Variants in CFAP65 observed in about 807,000 individuals in gnomAD.
CFAP65 encodes cilia and flagella associated protein 65, also known as cilia- and flagella-associated protein 65.
CFAP65 carries 155 observed loss-of-function variants against 208.0 expected under a neutral mutation model. The ratio of observed to expected loss-of-function variants is 0.75; its 90% CI spans 0.65 to 0.85. The LOEUF (loss-of-function observed/expected upper bound fraction) is 0.85, where lower values mean the gene tolerates loss of function less well. Among genes scored for constraint, CFAP65 ranks in the 40% least tolerant of loss-of-function variants. The probability of loss-of-function intolerance (pLI) is 0.00; values close to 1 mark genes in which losing one functional copy is unlikely to be tolerated. For synonymous variants in CFAP65, 970 were observed against 986.3 expected (o/e 0.98, Z 0.31); for missense variants, 2,294 against 2,451.3 (o/e 0.94, Z 1.36).
chr2:219,030,936 G>T, intron 8 of CFAP65, 102 bp from the exon 9 acceptor site: 1 of 1,485,550 alleles, frequency 6.7e-7, no homozygotes, highest in Non-Finnish European at 9.0e-7. Context: ...GGAAAATTTA[G>T]CCTGTAACAT....
rs770285304 is a variant in CFAP65, at chr2:219,013,509, G to A, written c.3846+10C>T. ...GAAACTAGGGCAGGGCCAGTGTGCT[G>A]GGGCCTCACCAGGATCTCCCGGCCA... On this transcript the variant is annotated intron_variant, in intron 23 of 34. Transcript: ENST00000341552. 1 of 1,593,900 alleles carries A rather than the reference G, an allele frequency of 6.3e-7. No individual in the cohort carries two copies. Among genetic ancestry groups the A allele is most frequent in the Non-Finnish European group, 8.5e-7 (1 of 1,171,684 alleles).
chr2:219,005,819 G>A (rs548651846), intron 31 of CFAP65, among the ~76,000 whole-genome samples: 2 of 152,340 alleles, frequency 1.3e-5, no homozygotes, highest in East Asian at 3.9e-4. Flanking sequence ...TGTTCCCCAG[G>A]GGGCTCTGGC....
At chr2:219,024,312 GA>G (rs1301650446) in intron 14 of CFAP65, 52 bp from the exon 15 acceptor site, 26 of 1,569,052 alleles carry the variant, frequency 1.7e-5, no homozygotes, top group Non-Finnish European at 2.2e-5. Context: ...TCCACCCTGG[GA>G]CACACACTCA....
At position 219,009,861 on chromosome 2, in the gene CFAP65, G is replaced by T. The variant is rs1410285849; in HGVS notation, c.4452+81C>A. 6 of 1,314,904 alleles carry T rather than the reference G, an allele frequency of 4.6e-6. No individual in the cohort carries two copies. The Admixed American group carries it at 1.2e-4, about 27-fold the overall frequency. The allele number at this position is 1,314,904 out of a possible 1,614,324, so 81.5% of individuals were successfully genotyped here. A position where few individuals can be genotyped will look rare whatever the true frequency, so the allele number is the denominator to read the frequency against. On this transcript the variant is annotated intron_variant, in intron 27 of 34. Coordinates refer to ENST00000341552, the MANE Select transcript of CFAP65 (RefSeq NM_194302.4). ...TTTGTGGGGTGGGATGGGATGGAGT[G>T]GGGTGGTATGGGATGGGGTCAGGTG...
Position 219,003,396 on chromosome 2 carries a change from A to C in CFAP65, c.5556-124T>G, listed in dbSNP as rs1945719207. 1 of 1,193,234 alleles carries C rather than the reference A, an allele frequency of 8.4e-7. No individual in the cohort carries two copies. The highest frequency in any genetic ancestry group is 1.1e-6 in the Non-Finnish European group (1 of 882,100). 73.9% of individuals were successfully genotyped at this position (1,193,234 alleles called of 1,614,324 possible). A position where few individuals can be genotyped will look rare whatever the true frequency, so the allele number is the denominator to read the frequency against. Reference sequence around the variant, plus strand: ...GATTCCCATTCGACTCCCCTCATCCACTACACTATGGGGCATTCTTGTTTC... The same window carrying C: ...GATTCCCATTCGACTCCCCTCATCCCCTACACTATGGGGCATTCTTGTTTC... On this transcript the variant is annotated intron_variant, in intron 33 of 34. Coordinates refer to ENST00000341552, the MANE Select transcript of CFAP65 (RefSeq NM_194302.4). The surrounding 1 kb of genome is among the most constrained non-coding windows in gnomAD (Gnocchi z 4.4).
intron 26 of CFAP65, among the ~76,000 whole-genome samples, chr2:219,010,286 T>G (rs1251016456): frequency 6.6e-6 from 1 of 151,874 alleles, no homozygotes; most frequent in Non-Finnish European, 1.5e-5. Flanking sequence ...GTGAAGAGGG[T>G]GGGATGGAGG....
At chr2:219,011,370 G>A (rs1395531469) in intron 24 of CFAP65, among the ~76,000 whole-genome samples, 1 of 150,530 alleles carries the variant, frequency 6.6e-6, no homozygotes, top group Non-Finnish European at 1.5e-5. Context: ...GACCTCCTGG[G>A]CTCAAGCAAT....
chr2:219,016,929 G>A (rs932516395), intron 21 of CFAP65, among the ~76,000 whole-genome samples: 4 of 152,220 alleles, frequency 2.6e-5, no homozygotes, highest in Admixed American at 6.5e-5. Flanking sequence ...CCAGCCACGC[G>A]GTGTACACAC....
intron 5 of CFAP65, chr2:219,033,664 C>G (rs989153269): frequency 6.6e-6 from 1 of 151,996 alleles, no homozygotes; most frequent in Admixed American, 6.5e-5. Flanking sequence ...TACAGAAACC[C>G]TACAGAAAAT....
intron 26 of CFAP65, 29 bp downstream of exon 26, chr2:219,010,517 T>G: frequency 6.3e-7 from 1 of 1,599,458 alleles, no homozygotes; most frequent in Non-Finnish European, 8.5e-7. Context: ...CCACAAGGCC[T>G]CAGGCCTTCC....
Position 219,004,158 on chromosome 2 carries a change from C to G in CFAP65, c.5349G>C (p.Glu1783Asp). 1 of 1,613,856 alleles carries G rather than the reference C, an allele frequency of 6.2e-7. No individual in the cohort carries two copies. Among genetic ancestry groups the G allele is most frequent in the Non-Finnish European group, 8.5e-7 (1 of 1,179,986 alleles). ...EELEEEEEEE[E>D]ETEEEELGKE... ...TGCCCAACTCCTCCTCTTCTGTCTCCTCTTCTTCCTCCTCTTCCTCCTCCA... is the reference window on the plus strand; with the variant it reads ...TGCCCAACTCCTCCTCTTCTGTCTCGTCTTCTTCCTCCTCTTCCTCCTCCA... Residue 1783 changes from glutamate (E) to aspartate (D), a missense_variant, in exon 33 of 35, where the codon GAG (glutamate) becomes GAC (aspartate). Glu to Asp is a conservative substitution (Grantham distance 45). This residue lies in a region of CFAP65 where 1,427 missense variants were observed against 1,438.7 expected (regional missense o/e 0.99). Transcript: ENST00000341552. The surrounding 1 kb of genome is among the most constrained non-coding windows in gnomAD (Gnocchi z 4.7).
chr2:219,007,595 G>A (rs1368613140), intron 29 of CFAP65, among the ~76,000 whole-genome samples: 2 of 152,234 alleles, frequency 1.3e-5, no homozygotes, highest in South Asian at 4.2e-4. Flanking sequence ...ACCAGTGTAG[G>A]AAGGTTGTGA....
At chr2:219,005,871 C>T in intron 31 of CFAP65, 150 bp downstream of exon 31, 1 of 843,488 alleles carries the variant, frequency 1.2e-6, no homozygotes, top group South Asian at 1.8e-5. Flanking sequence ...AGTAATGGGG[C>T]ATCCTGGGCC....
At chr2:219,023,079 G>A (rs953735060) in intron 16 of CFAP65, 128 bp downstream of exon 16, 11 of 756,056 alleles carry the variant, frequency 1.5e-5, no homozygotes, top group Admixed American at 2.3e-5. Context: ...ACACCTCATC[G>A]CCAGGTGGGG....
At chr2:219,026,281 C>A in intron 13 of CFAP65, 122 bp from the exon 14 acceptor site, 1 of 1,062,730 alleles carries the variant, frequency 9.4e-7, no homozygotes, top group Non-Finnish European at 1.4e-6. Context: ...GACAGGAGGG[C>A]CTCCCTGGGA....
chr2:219,013,598 A>G lies in CFAP65; in HGVS notation c.3780-13T>C, dbSNP rs1279815760. The G allele has an allele frequency of 6.3e-7, 1 of 1,592,264 alleles. No homozygotes were observed. Among genetic ancestry groups the G allele is most frequent in the South Asian group, 1.1e-5 (1 of 87,218 alleles). On this transcript the variant is annotated splice_polypyrimidine_tract_variant and intron_variant, in intron 22 of 34. Transcript: ENST00000341552. ...GATGAACAGGTGGCTAGAAAGAAAC[A>G]GATAAGTCTGGGAGTGAGTTCTGGA...
chr2:219,024,263 G>C lies in CFAP65; in HGVS notation c.2350-3C>G. ...CCGGAGGACACTGCTGGAAATAGCT[G>C]GGGGTGGGAGAGGAGGAAAGCGGCC... On this transcript the variant is annotated splice_polypyrimidine_tract_variant and splice_region_variant and intron_variant, in intron 14 of 34. Coordinates refer to ENST00000341552, the MANE Select transcript of CFAP65 (RefSeq NM_194302.4). The C allele has an allele frequency of 1.2e-6, 2 of 1,608,210 alleles. No homozygotes were observed. The highest frequency in any genetic ancestry group is 1.7e-6 in the Non-Finnish European group (2 of 1,176,660).
In CFAP65 at chr2:219,031,967, C is replaced by T. The variant is rs1383371462; in HGVS notation, c.646-309G>A. 1.4e-5 allele frequency among the ~76,000 whole-genome samples: 2 copies of T among 146,130 alleles called. No individual in the cohort carries two copies. The highest frequency in any genetic ancestry group is 5.1e-5 in the African/African-American group (2 of 38,972). Reference sequence around the variant, plus strand: ...TTTGAGTCTCGCTCTGTCACCCAGGCTGGAGTGCAGTGGTGAGATCTCAGC... The same window carrying T: ...TTTGAGTCTCGCTCTGTCACCCAGGTTGGAGTGCAGTGGTGAGATCTCAGC... On this transcript the variant is annotated intron_variant, in intron 6 of 34. Coordinates refer to ENST00000341552, the MANE Select transcript of CFAP65 (RefSeq NM_194302.4). This position sits in a 1 kb window ranked among gnomAD's most constrained non-coding sequence, Gnocchi z 5.2.
At chr2:219,021,961 G>A in intron 17 of CFAP65, 31 bp from the exon 18 acceptor site, 1 of 1,611,420 alleles carries the variant, frequency 6.2e-7, no homozygotes, top group South Asian at 1.1e-5. Context: ...GCCGGGAGTG[G>A]GAGCTCCTCC....
Sources: allele counts gnomAD v4.1 joint callset (sites outside exome capture counted in the v4.1 genomes callset), GRCh38; gene constraint gnomAD v4.1.1; regional missense constraint gnomAD v4.1.1; non-coding constraint Gnocchi (gnomAD v3.1); transcripts MANE v1.5; gene names NCBI Gene and HGNC (gene_info 2026-07-23, HGNC 2026-07-21).